Variants in PHACTR1 observed in about 807,000 individuals in gnomAD.
The protein encoded by PHACTR1 is phosphatase and actin regulator 1.
In PHACTR1, 16 loss-of-function variants were observed where a neutral mutation model predicts 69.2. The observed-to-expected ratio is 0.23, with a 90% CI of 0.16 to 0.35. The LOEUF is 0.35. Among genes scored for constraint, PHACTR1 ranks in the 10% least tolerant of loss-of-function variants. PHACTR1 has a pLI of 1.00. For missense variants in PHACTR1, 510 were observed against 734.7 expected (o/e 0.69, Z 3.54); for synonymous variants, 312 against 284.5 (o/e 1.10, Z -0.97).
chr6:13,022,637 C>G (rs1395926698), intron 4 of PHACTR1, among the ~76,000 whole-genome samples: 1 of 150,378 alleles, frequency 6.6e-6, no homozygotes, highest in Non-Finnish European at 1.5e-5. Flanking sequence ...CAGAGACTCT[C>G]GAAGCTTAAG....
At chr6:13,083,729 T>C (rs1811793021) in intron 5 of PHACTR1, among the ~76,000 whole-genome samples, 1 of 152,164 alleles carries the variant, frequency 6.6e-6, no homozygotes, top group South Asian at 2.1e-4. Context: ...AGTTCACTCA[T>C]GATTTGGCTC....
intron 3 of PHACTR1, among the ~76,000 whole-genome samples, chr6:12,725,137 C>G (rs997009796): frequency 3.9e-5 from 6 of 152,158 alleles, no homozygotes; most frequent in African/African-American, 1.2e-4. Flanking sequence ...AGGAATTCAT[C>G]CAAACCCCGT....
intron 3 of PHACTR1, among the ~76,000 whole-genome samples, chr6:12,731,897 T>C (rs1038977725): frequency 2.0e-5 from 3 of 152,106 alleles, no homozygotes; most frequent in Non-Finnish European, 1.5e-5. Flanking sequence ...AATGTCTCAA[T>C]GTTGTGCGAT....
chr6:13,225,790 G>A (rs535966809), intron 8 of PHACTR1, among the ~76,000 whole-genome samples: 1 of 152,302 alleles, frequency 6.6e-6, no homozygotes, highest in African/African-American at 2.4e-5. Flanking sequence ...TAACCAAAAA[G>A]TGGAGAGAGG....
intron 8 of PHACTR1, among the ~76,000 whole-genome samples, chr6:13,208,221 G>A (rs897734582): frequency 1.3e-5 from 2 of 152,130 alleles, no homozygotes; most frequent in Non-Finnish European, 2.9e-5. Flanking sequence ...GAAACTAAGG[G>A]AGGTTCACTA....
chr6:12,796,070 AT>A (rs929472299), intron 4 of PHACTR1, among the ~76,000 whole-genome samples: 6 of 152,084 alleles, frequency 3.9e-5, no homozygotes, highest in Admixed American at 3.9e-4. Flanking sequence ...AAATTGTTTT[AT>A]TTTTTTCTAG....
At chr6:13,100,804 T>C (rs1452169893) in intron 5 of PHACTR1, among the ~76,000 whole-genome samples, 3 of 152,160 alleles carry the variant, frequency 2.0e-5, no homozygotes, top group African/African-American at 7.2e-5. Context: ...ATCTCCTCAG[T>C]TACTTAAGGA....
At chr6:13,147,552 A>G (rs1451660071) in intron 5 of PHACTR1, among the ~76,000 whole-genome samples, 1 of 152,192 alleles carries the variant, frequency 6.6e-6, no homozygotes, top group African/African-American at 2.4e-5. Flanking sequence ...TTGGAAAGAG[A>G]CTAAGCAAGT....
At chr6:13,286,594 G>A (rs902020948) in intron 14 of PHACTR1, among the ~76,000 whole-genome samples, 8 of 152,150 alleles carry the variant, frequency 5.3e-5, no homozygotes, top group Non-Finnish European at 1.5e-5. Flanking sequence ...CATCCACACG[G>A]GACTTCCAAA....
At chr6:13,133,497 G>A (rs1191111071) in intron 5 of PHACTR1, among the ~76,000 whole-genome samples, 9 of 152,014 alleles carry the variant, frequency 5.9e-5, no homozygotes, top group South Asian at 2.1e-4. Context: ...GGGTTTCGCC[G>A]TGTTGGCCGG....
At position 13,219,708 on chromosome 6, in the gene PHACTR1, G is replaced by C. The variant is rs540221173; in HGVS notation, c.987-8108G>C. ...GTGTTCCATAATAGCGCTCATCATGGGACTCTTCACAGCAAAATTCATAGC... is the reference window on the plus strand; with the variant it reads ...GTGTTCCATAATAGCGCTCATCATGCGACTCTTCACAGCAAAATTCATAGC... On this transcript the variant is annotated intron_variant, in intron 8 of 14. Transcript: ENST00000332995. Among the ~76,000 whole-genome samples, 4 of 151,976 alleles carry C rather than the reference G, an allele frequency of 2.6e-5. No homozygotes were observed. The South Asian group carries it at 8.3e-4, about 32-fold the overall frequency.
intron 6 of PHACTR1, among the ~76,000 whole-genome samples, chr6:13,161,257 C>T (rs1190047416): frequency 1.3e-5 from 2 of 152,152 alleles, no homozygotes; most frequent in African/African-American, 2.4e-5. Context: ...GGATTACAGG[C>T]GTGAGCCACC....
intron 4 of PHACTR1, among the ~76,000 whole-genome samples, chr6:12,884,522 T>C (rs935639236): frequency 6.6e-6 from 1 of 151,938 alleles, no homozygotes; most frequent in Non-Finnish European, 1.5e-5. Context: ...TGCCTCAGCC[T>C]CCTAAGTAGC....
intron 4 of PHACTR1, chr6:12,933,984 A>G (rs1390845965): frequency 6.5e-7 from 1 of 1,535,604 alleles, no homozygotes; most frequent in South Asian, 1.3e-5. Context: ...AAGTACCACA[A>G]ACTACATGAC....
chr6:12,876,244 A>T (rs1002426162), intron 4 of PHACTR1, among the ~76,000 whole-genome samples: 1 of 152,198 alleles, frequency 6.6e-6, no homozygotes, highest in Non-Finnish European at 1.5e-5. Context: ...CAAGGAAAAA[A>T]TATTTATACC....
At chr6:13,271,015 C>CTT (rs142906501) in intron 10 of PHACTR1, among the ~76,000 whole-genome samples, 52 of 138,946 alleles carry the variant, frequency 3.7e-4, no homozygotes, top group South Asian at 2.0e-3. Context: ...TTTTTTTTTT[C>CTT]TTTTTTTTTT....
At chr6:12,780,325 A>G (rs1223631635) in intron 4 of PHACTR1, among the ~76,000 whole-genome samples, 1 of 151,276 alleles carries the variant, frequency 6.6e-6, no homozygotes. Flanking sequence ...GTGCGTGTGC[A>G]TGTACATACC....
At chr6:13,029,366 G>A (rs1802135711) in intron 4 of PHACTR1, among the ~76,000 whole-genome samples, 2 of 152,152 alleles carry the variant, frequency 1.3e-5, no homozygotes, top group Admixed American at 1.3e-4. Context: ...GATTCATCTC[G>A]CAGCATCAGC....
chr6:12,898,749 C>G (rs555583572), intron 4 of PHACTR1, among the ~76,000 whole-genome samples: 1 of 152,278 alleles, frequency 6.6e-6, no homozygotes, highest in South Asian at 2.1e-4. Flanking sequence ...GTCCTTGTTG[C>G]CGGGACTTCC....
Sources: gnomAD v4.1 joint callset for allele counts (sites outside exome capture counted in the v4.1 genomes callset) on GRCh38, gnomAD v4.1.1 for gene constraint, MANE v1.5 for transcripts, NCBI Gene and HGNC (gene_info 2026-07-23, HGNC 2026-07-21) for gene names.